COL4A6: variants seen among roughly 807,000 people sequenced by gnomAD.
COL4A6 encodes the protein collagen alpha-6(IV) chain.
Under a neutral mutation model 126.7 loss-of-function variants are expected in COL4A6, and 59 were observed. The observed-to-expected ratio is 0.47, with a 90% confidence interval of 0.38 to 0.58. The LOEUF is 0.58. Among genes scored for constraint, COL4A6 ranks in the 20% least tolerant of loss-of-function variants. COL4A6 has a pLI of 0.00. For missense variants in COL4A6, 1,285 were observed against 1,337.3 expected, an observed-to-expected ratio of 0.96 and a Z score of 0.61; for synonymous variants, 547 against 496.6, an observed-to-expected ratio of 1.10 and a Z score of -1.35.
intron 2 of COL4A6, among the ~76,000 whole-genome samples, chrX:108,412,539 G>T (rs182699433): frequency 9.0e-6 from 1 of 111,588 alleles, no homozygotes; most frequent in African/African-American, 3.3e-5. Context: ...CCATTTCAGG[G>T]GCCATTTTCT....
intron 2 of COL4A6, among the ~76,000 whole-genome samples, chrX:108,357,382 A>C (rs2039983983): frequency 9.0e-6 from 1 of 111,332 alleles, no homozygotes; most frequent in Admixed American, 9.6e-5. Context: ...TAAAGGCATG[A>C]AATGGTTTGA....
Position 108,176,900 on chromosome X carries a change from A to C in COL4A6, c.2627T>G (p.Leu876Arg), listed in dbSNP as rs1445184547. 2 of 1,210,425 alleles carry C rather than the reference A, an allele frequency of 1.7e-6. No homozygotes were observed. Among genetic ancestry groups the C allele is most frequent in the South Asian group, 3.5e-5 (2 of 56,821 alleles). The change falls in exon 28 of 45, where the codon CTG becomes CGG. Residue 876 changes from leucine (L) to arginine (R), a missense_variant. By Grantham distance (102) the Leu-to-Arg change is moderately radical. Transcript: ENST00000334504. ...CCCTGGAGAGCCTGGGCTTCCTTTC[A>C]GTCCTACTAGGCCTGGATTTCCAGG... ...GLPGNPGLVG[L>R]KGSPGSPGVA... is the part of the protein sequence containing the mutation.
In COL4A6 at chrX:108,184,792, A is replaced by G. The variant is rs780305999; in HGVS notation, c.1951+2304T>C. On this transcript the variant is annotated intron_variant, in intron 23 of 44. Coordinates refer to ENST00000334504, the MANE Select transcript of COL4A6 (RefSeq NM_033641.4). ...TATCATATTCCTAATAACTTTCTGT[A>G]TCCAGGGACTAGTGATGTTTGGGAT... Among the ~76,000 whole-genome samples, 11 of 112,628 alleles carry G rather than the reference A, an allele frequency of 9.8e-5. No homozygotes were observed. The East Asian group carries it at 2.8e-3, about 28-fold the overall frequency.
chrX:108,159,685 T>A lies in COL4A6; in HGVS notation c.4589A>T (p.Glu1530Val), dbSNP rs1228905288. 1.7e-6 allele frequency: 2 copies of A among 1,211,636 alleles called. No individual in the cohort carries two copies. Among genetic ancestry groups the A allele is most frequent in the Admixed American group, 4.3e-5 (2 of 46,048 alleles). Reference protein sequence around the residue: ...TMPFIYCNINEVCHYARRNDK... With the variant: ...TMPFIYCNINVVCHYARRNDK... ...ATTGCGCCTGGCATAGTGGCACACC[T>A]CGTTGATGTTGCAGTAGATGAAGGG... The change falls in exon 44 of 45, where the codon GAG becomes GTG. Residue 1530 changes from glutamate to valine, a missense_variant. Glu to Val is a moderately radical substitution (Grantham distance 121). Coordinates refer to ENST00000334504, the MANE Select transcript of COL4A6 (RefSeq NM_033641.4).
chrX:108,162,167 T>G (rs1435111328), intron 41 of COL4A6, among the ~76,000 whole-genome samples: 2 of 110,888 alleles, frequency 1.8e-5, no homozygotes, highest in African/African-American at 6.6e-5. Context: ...CTGGCCAACA[T>G]GGGGAAACCT....
Position 108,406,985 on chromosome X carries a change from G to T in COL4A6, c.63+30957C>A, listed in dbSNP as rs139097884. On this transcript the variant is annotated intron_variant, in intron 2 of 44. Transcript: ENST00000334504. ...AAGAAAGGGAGGCAAGAAGTTAGAA[G>T]TTCTGTAATTCTTTAAGCAATGGCA... 1.0e-3 allele frequency among the ~76,000 whole-genome samples: 115 copies of T among 111,966 alleles called. 4 individuals carry two copies. In the East Asian group the frequency reaches 0.031, roughly 30 times the overall value.
chrX:108,170,105 C>T lies in COL4A6; in HGVS notation c.3494-89G>A, dbSNP rs2034257103. ...TAGCTACCTGCCCCCAAAGGCATTG[C>T]GAGGTCCTTATTTTAAAGTCCTGGT... is the stretch of plus-strand genomic sequence containing the variant. On this transcript the variant is annotated intron_variant, in intron 35 of 44. Coordinates refer to ENST00000334504, the MANE Select transcript of COL4A6 (RefSeq NM_033641.4). The T allele has an allele frequency of 1.6e-5, 12 of 765,100 alleles. No individual in the cohort carries two copies. The South Asian group carries it at 2.0e-4, about 12-fold the overall frequency. 63.1% of individuals were successfully genotyped at this position (765,100 alleles called of 1,213,427 possible).
chrX:108,315,908 A>G (rs1351825058), intron 2 of COL4A6, among the ~76,000 whole-genome samples: 1 of 112,117 alleles, frequency 8.9e-6, no homozygotes, highest in Non-Finnish European at 1.9e-5. Context: ...AGGGCTGTGA[A>G]ATAATTGCTC....
intron 5 of COL4A6, among the ~76,000 whole-genome samples, chrX:108,214,489 G>C (rs1301250950): frequency 3.6e-5 from 4 of 111,899 alleles, no homozygotes; most frequent in Non-Finnish European, 7.5e-5. Flanking sequence ...TGAACAGATG[G>C]GATACACAAG....
chrX:108,249,160 C>T (rs1418388935), intron 3 of COL4A6, among the ~76,000 whole-genome samples: 1 of 110,858 alleles, frequency 9.0e-6, no homozygotes, highest in Non-Finnish European at 1.9e-5. Flanking sequence ...CCCGAAACCA[C>T]CCCACCCCTG....
chrX:108,285,346 G>C (rs1408333073), intron 3 of COL4A6, among the ~76,000 whole-genome samples: 3 of 112,155 alleles, frequency 2.7e-5, no homozygotes, highest in Admixed American at 9.5e-5. Context: ...AAACCCCTGT[G>C]AATGTTATAC....
intron 2 of COL4A6, among the ~76,000 whole-genome samples, chrX:108,399,417 T>C (rs1487610143): frequency 9.0e-6 from 1 of 111,474 alleles, no homozygotes; most frequent in African/African-American, 3.3e-5. Context: ...ATTTACATTC[T>C]AGATTGGTAT....
At chrX:108,395,348 A>G (rs1055648973) in intron 2 of COL4A6, among the ~76,000 whole-genome samples, 4 of 111,922 alleles carry the variant, frequency 3.6e-5, no homozygotes, top group African/African-American at 1.3e-4. Flanking sequence ...GCTATTCTCT[A>G]TGACAGCAGA....
chrX:108,195,979 C>A (rs2035203189), intron 14 of COL4A6, among the ~76,000 whole-genome samples: 1 of 111,572 alleles, frequency 9.0e-6, no homozygotes, highest in African/African-American at 3.3e-5. Flanking sequence ...ACCTAAGTGC[C>A]CGAAGCTAGG....
intron 2 of COL4A6, among the ~76,000 whole-genome samples, chrX:108,416,564 A>G (rs949399815): frequency 1.8e-5 from 2 of 112,286 alleles, no homozygotes; most frequent in Admixed American, 1.9e-4. Context: ...TGTTTCTACA[A>G]TAGTTTACTT....
Position 108,363,117 on chromosome X carries a change from G to C in COL4A6, c.64-52289C>G, listed in dbSNP as rs180819649. 8.9e-5 allele frequency among the ~76,000 whole-genome samples: 10 copies of C among 112,280 alleles called. No individual in the cohort carries two copies. The East Asian group carries it at 2.8e-3, about 32-fold the overall frequency. ...GCTGAGGAGAATTGCACTAGCACAC[G>C]AGAGAGTGGACTGTATGTAGCTGGA... On this transcript the variant is annotated intron_variant, in intron 2 of 44. Transcript: ENST00000334504.
chrX:108,291,518 C>T (rs747842348), intron 3 of COL4A6, among the ~76,000 whole-genome samples: 32 of 111,468 alleles, frequency 2.9e-4, no homozygotes, highest in Non-Finnish European at 4.0e-4. Context: ...AGTAACCATT[C>T]TCCTATTGTA....
intron 2 of COL4A6, among the ~76,000 whole-genome samples, chrX:108,427,805 T>C (rs756341803): frequency 6.2e-4 from 69 of 111,871 alleles, no homozygotes; most frequent in Non-Finnish European, 1.0e-3. Flanking sequence ...TAAGAGATGA[T>C]AAAAAACTTA....
chrX:108,384,703 A>G (rs971746855), intron 2 of COL4A6, among the ~76,000 whole-genome samples: 5 of 112,062 alleles, frequency 4.5e-5, no homozygotes, highest in Non-Finnish European at 7.5e-5. Context: ...TAATTCAAAA[A>G]TAATGGAATA....
Sources: gnomAD v4.1 joint callset for allele counts (sites outside exome capture counted in the v4.1 genomes callset) on GRCh38, gnomAD v4.1.1 for gene constraint, MANE v1.5 for transcripts, NCBI Gene and HGNC (gene_info 2026-07-23, HGNC 2026-07-21) for gene names.